Variants in PRICKLE1 observed in about 807,000 individuals in gnomAD.
The protein encoded by PRICKLE1 is prickle-like protein 1.
A neutral mutation model predicts 70.2 loss-of-function variants in PRICKLE1; 14 were observed. The ratio of observed to expected loss-of-function variants is 0.20; its 90% CI spans 0.13 to 0.31. The LOEUF is 0.31. Among genes scored for constraint, PRICKLE1 ranks in the 10% least tolerant of loss-of-function variants. The pLI, the probability that PRICKLE1 is intolerant of heterozygous loss-of-function variation, is 1.00. For synonymous variants in PRICKLE1, 357 were observed against 379.9 expected (o/e 0.94, Z 0.70); for missense variants, 821 against 1,026.2 (o/e 0.80, Z 2.73).
intron 1 of PRICKLE1, among the ~76,000 whole-genome samples, chr12:42,549,781 G>T (rs1301021226): frequency 6.6e-6 from 1 of 152,160 alleles, no homozygotes; most frequent in Non-Finnish European, 1.5e-5. Context: ...GCTCCAAAGG[G>T]CATCATTATC....
intron 1 of PRICKLE1, among the ~76,000 whole-genome samples, chr12:42,579,360 G>A (rs1940860045): frequency 6.6e-6 from 1 of 152,122 alleles, no homozygotes; most frequent in African/African-American, 2.4e-5. Flanking sequence ...TTAAAGTCCA[G>A]TACAAACAAG....
chr12:42,501,787 T>G (rs1438295952), intron 1 of PRICKLE1, among the ~76,000 whole-genome samples: 1 of 152,138 alleles, frequency 6.6e-6, no homozygotes, highest in Non-Finnish European at 1.5e-5. Flanking sequence ...CACATAAATA[T>G]TTGGGATCCT....
intron 1 of PRICKLE1, among the ~76,000 whole-genome samples, chr12:42,530,781 G>A (rs1204194690): frequency 7.1e-6 from 1 of 139,972 alleles, no homozygotes; most frequent in Non-Finnish European, 1.5e-5. Flanking sequence ...CTGCCTCCCG[G>A]GTTCCAGCAA....
chr12:42,535,105 T>TA (rs1279902319), intron 1 of PRICKLE1, among the ~76,000 whole-genome samples: 1 of 152,182 alleles, frequency 6.6e-6, no homozygotes, highest in African/African-American at 2.4e-5. Context: ...CCATGGCCAG[T>TA]AACTGGTTCA....
At chr12:42,514,921 CTATCT>C (rs1939580708) in intron 1 of PRICKLE1, among the ~76,000 whole-genome samples, 2 of 126,266 alleles carry the variant, frequency 1.6e-5, no homozygotes, top group Admixed American at 8.7e-5. Flanking sequence ...ATCTATCTAT[CTATCT>C]ATCTATCTAT....
Position 42,537,196 on chromosome 12 carries a change from T to C in PRICKLE1, c.-49+52269A>G, listed in dbSNP as rs546293270. ...CTCTGTCACCCAGGCTGGAGTGTAG[T>C]ACTATAATCATGGTTCATGATTCAT... On this transcript the variant is annotated intron_variant, in intron 1 of 7. Transcript: ENST00000345127. Among the ~76,000 whole-genome samples, 11 of 152,112 alleles carry C rather than the reference T, an allele frequency of 7.2e-5. No individual in the cohort carries two copies. The East Asian group carries it at 1.7e-3, about 24-fold the overall frequency.
In PRICKLE1 at chr12:42,589,716, G is replaced by C. The variant is rs1161052997; in HGVS notation, c.-300C>G. 6.7e-6 allele frequency: 1 copy of C among 150,104 alleles called. No homozygotes were observed. Among genetic ancestry groups the C allele is most frequent in the Non-Finnish European group, 1.5e-5 (1 of 67,418 alleles). 9.3% of individuals were successfully genotyped at this position (150,104 alleles called of 1,614,324 possible). ...TCGGGCGGCGGCGGCCGCGGGAGACGGCGCTGGCAGCTGGGCTGCAGGCGG... is the reference window on the plus strand; with the variant it reads ...TCGGGCGGCGGCGGCCGCGGGAGACCGCGCTGGCAGCTGGGCTGCAGGCGG... On this transcript the variant is annotated 5_prime_UTR_variant, in exon 1 of 8. Coordinates refer to ENST00000345127, the MANE Select transcript of PRICKLE1 (RefSeq NM_153026.3). The surrounding 1 kb of genome is among the most constrained non-coding windows in gnomAD (Gnocchi z 5.0).
intron 7 of PRICKLE1, 151 bp from the exon 8 acceptor site, chr12:42,460,816 G>T: frequency 1.2e-6 from 1 of 833,138 alleles, no homozygotes; most frequent in Non-Finnish European, 2.0e-6. Context: ...ATGTATCTAT[G>T]CCAATTGAGA....
chr12:42,481,163 G>T (rs566849406), intron 1 of PRICKLE1, among the ~76,000 whole-genome samples: 2 of 152,176 alleles, frequency 1.3e-5, no homozygotes, highest in Non-Finnish European at 2.9e-5. Flanking sequence ...GATTTCAGGA[G>T]AATGAGTTTA....
chr12:42,501,810 G>T (rs1410675124), intron 1 of PRICKLE1, among the ~76,000 whole-genome samples: 6 of 152,072 alleles, frequency 3.9e-5, no homozygotes, highest in Non-Finnish European at 8.8e-5. Flanking sequence ...AAACATCCAG[G>T]CATTATGATG....
chr12:42,584,710 T>C (rs1201894370), intron 1 of PRICKLE1, among the ~76,000 whole-genome samples: 3 of 152,178 alleles, frequency 2.0e-5, no homozygotes, highest in Non-Finnish European at 4.4e-5. Context: ...TTGTGTGTAA[T>C]TGGAAACATT....
At chr12:42,565,675 T>C (rs542549576) in intron 1 of PRICKLE1, among the ~76,000 whole-genome samples, 7 of 152,204 alleles carry the variant, frequency 4.6e-5, no homozygotes, top group Non-Finnish European at 1.0e-4. Flanking sequence ...CTTGATTAGA[T>C]CTGCTTTTTA....
At chr12:42,479,577 T>G (rs558185875) in intron 1 of PRICKLE1, among the ~76,000 whole-genome samples, 1 of 152,226 alleles carries the variant, frequency 6.6e-6, no homozygotes, top group Non-Finnish European at 1.5e-5. Flanking sequence ...TCATTCATCC[T>G]TATATTTAAA....
intron 1 of PRICKLE1, among the ~76,000 whole-genome samples, chr12:42,545,895 CATATATAT>C (rs375757064): frequency 1.4e-5 from 2 of 144,974 alleles, no homozygotes; most frequent in Non-Finnish European, 3.0e-5. Context: ...AAAATATATC[CATATATAT>C]ATATATATGG....
chr12:42,477,280 G>A (rs970718078), intron 1 of PRICKLE1, among the ~76,000 whole-genome samples: 2 of 151,702 alleles, frequency 1.3e-5, no homozygotes, highest in African/African-American at 4.8e-5. Flanking sequence ...GCTGAGGCAG[G>A]AGAATCACTT....
At chr12:42,559,566 G>A (rs1193636934) in intron 1 of PRICKLE1, among the ~76,000 whole-genome samples, 1 of 138,882 alleles carries the variant, frequency 7.2e-6, no homozygotes, top group Non-Finnish European at 1.5e-5. Flanking sequence ...AAACACAAAT[G>A]TATATATATA....
At chr12:42,553,260 C>A (rs1940353951) in intron 1 of PRICKLE1, among the ~76,000 whole-genome samples, 1 of 151,822 alleles carries the variant, frequency 6.6e-6, no homozygotes, top group Non-Finnish European at 1.5e-5. Context: ...CTGGCTAACA[C>A]GGTGAAACCC....
chr12:42,481,762 G>T (rs993027337), intron 1 of PRICKLE1, among the ~76,000 whole-genome samples: 1 of 152,124 alleles, frequency 6.6e-6, no homozygotes, highest in Non-Finnish European at 1.5e-5. Flanking sequence ...CACCCTTATG[G>T]ATATACACAT....
At chr12:42,492,854 C>T (rs940306452) in intron 1 of PRICKLE1, among the ~76,000 whole-genome samples, 2 of 152,092 alleles carry the variant, frequency 1.3e-5, no homozygotes, top group African/African-American at 4.8e-5. Flanking sequence ...AATGATATAT[C>T]CAAAGTGCTG....
Sources: allele counts gnomAD v4.1 joint callset (sites outside exome capture counted in the v4.1 genomes callset), GRCh38; gene constraint gnomAD v4.1.1; non-coding constraint Gnocchi (gnomAD v3.1); transcripts MANE v1.5; gene names NCBI Gene and HGNC (gene_info 2026-07-23, HGNC 2026-07-21).